PKD1L1: variants seen among roughly 807,000 people sequenced by gnomAD.
The protein encoded by PKD1L1 is polycystin-1-like protein 1.
Under a neutral mutation model 323.4 loss-of-function variants are expected in PKD1L1, and 236 were observed. The ratio of observed to expected loss-of-function variants is 0.73; its 90% confidence interval spans 0.66 to 0.81. The LOEUF (loss-of-function observed/expected upper bound fraction) is 0.81. Ranked by LOEUF, PKD1L1 falls within the 40% of genes least tolerant of loss-of-function variation. The pLI, the probability that PKD1L1 is intolerant of heterozygous loss-of-function variation, is 0.00. For missense variants in PKD1L1, 3,320 were observed against 3,508.0 expected (o/e 0.95, Z 1.35); for synonymous variants, 1,344 against 1,335.0 (o/e 1.01, Z -0.15).
chr7:47,952,230 A>C (rs1788214691), upstream of PKD1L1, among the ~76,000 whole-genome samples: 2 of 152,222 alleles, frequency 1.3e-5, no homozygotes, highest in African/African-American at 4.8e-5. Flanking sequence ...TCTTGGTAGA[A>C]TGTCAAACTT....
chr7:47,844,578 A>G (rs1785626145), intron 33 of PKD1L1, among the ~76,000 whole-genome samples: 1 of 152,236 alleles, frequency 6.6e-6, no homozygotes, highest in African/African-American at 2.4e-5. Context: ...ATTATCTAAA[A>G]TGGGATACTC....
intron 14 of PKD1L1, among the ~76,000 whole-genome samples, chr7:47,894,507 C>T (rs1786894113): frequency 6.6e-6 from 1 of 152,032 alleles, no homozygotes; most frequent in Admixed American, 6.6e-5. Flanking sequence ...ACTTTTAAAC[C>T]CAGGAATAGC....
chr7:47,916,169 G>A (rs1787425391), intron 7 of PKD1L1, among the ~76,000 whole-genome samples: 1 of 152,216 alleles, frequency 6.6e-6, no homozygotes, highest in African/African-American at 2.4e-5. Flanking sequence ...GCCATTTGAA[G>A]GTGATCCAGT....
chr7:47,859,517 C>T (rs1785978911), intron 26 of PKD1L1, among the ~76,000 whole-genome samples: 1 of 151,954 alleles, frequency 6.6e-6, no homozygotes, highest in South Asian at 2.1e-4. Context: ...CTCACTCTGT[C>T]ACCCAGGCTG....
chr7:47,854,191 G>GT (rs1785847490), intron 30 of PKD1L1, among the ~76,000 whole-genome samples: 2 of 152,134 alleles, frequency 1.3e-5, no homozygotes, highest in South Asian at 4.1e-4. Flanking sequence ...CAGCGCCTGT[G>GT]TAAGATACAG....
intron 45 of PKD1L1, among the ~76,000 whole-genome samples, chr7:47,825,014 A>G (rs1785214830): frequency 6.6e-6 from 1 of 152,136 alleles, no homozygotes; most frequent in African/African-American, 2.4e-5. Context: ...GAGACTTCAA[A>G]TTTCCCCCAT....
intron 26 of PKD1L1, among the ~76,000 whole-genome samples, chr7:47,864,713 T>C (rs1339998140): frequency 8.7e-6 from 1 of 114,658 alleles, no homozygotes; most frequent in African/African-American, 3.3e-5. Flanking sequence ...TTCCCTTCCC[T>C]TCCTTTCCTT....
intron 55 of PKD1L1, among the ~76,000 whole-genome samples, chr7:47,793,561 A>C (rs1787004794): frequency 6.6e-6 from 1 of 152,172 alleles, no homozygotes; most frequent in South Asian, 2.1e-4. Context: ...TGGAACTGTA[A>C]GTCCAATTAA....
At chr7:47,954,165 C>T in the PKD1L1 span, among the ~76,000 whole-genome samples, 1 of 152,322 alleles carries the variant, frequency 6.6e-6, no homozygotes, top group South Asian at 2.1e-4. Context: ...GCCAACCAAA[C>T]CTCTATGAGC....
At chr7:47,824,435 G>A (rs984738271) in intron 45 of PKD1L1, among the ~76,000 whole-genome samples, 4 of 152,064 alleles carry the variant, frequency 2.6e-5, no homozygotes, top group Admixed American at 2.0e-4. Flanking sequence ...AATCAACAAT[G>A]AAAATAAAGA....
At chr7:47,776,357 G>A (rs1341764022) in intron 56 of PKD1L1, among the ~76,000 whole-genome samples, 1 of 152,148 alleles carries the variant, frequency 6.6e-6, no homozygotes, top group Non-Finnish European at 1.5e-5. Flanking sequence ...ATGAGATAAA[G>A]ACATTACAAG....
intron 22 of PKD1L1, 40 bp downstream of exon 22, chr7:47,877,449 T>TA: frequency 1.2e-6 from 2 of 1,608,570 alleles, no homozygotes; most frequent in Non-Finnish European, 1.7e-6. Flanking sequence ...GATGCCACTG[T>TA]CGGGGGTCTC....
chr7:47,818,064 C>T, intron 46 of PKD1L1: 1 of 1,367,814 alleles, frequency 7.3e-7, no homozygotes, highest in Non-Finnish European at 9.8e-7. Flanking sequence ...CTGGACTTCT[C>T]TACAAGTTTT....
At chr7:47,950,346 AG>A (rs1402113495), upstream of PKD1L1, among the ~76,000 whole-genome samples, 4 of 152,186 alleles carry the variant, frequency 2.6e-5, no homozygotes, top group African/African-American at 9.7e-5. Flanking sequence ...ATGTTTTTGA[AG>A]CCAGCAGTGC....
chr7:47,905,824 A>G lies in PKD1L1; in HGVS notation c.1522+19T>C, dbSNP rs372616650. The G allele has an allele frequency of 2.5e-6, 4 of 1,610,324 alleles. No homozygotes were observed. In the African/African-American group the frequency reaches 5.4e-5, roughly 22 times the overall value. ...CGAGGGAGGTTTTTGTTAAATCTGG[A>G]ATTAAAACAAAGACATACATTGCAT... On this transcript the variant is annotated intron_variant, in intron 10 of 56. Coordinates refer to ENST00000289672, the MANE Select transcript of PKD1L1 (RefSeq NM_138295.5).
chr7:47,836,114 G>T (rs902453073), intron 37 of PKD1L1, among the ~76,000 whole-genome samples: 1 of 152,180 alleles, frequency 6.6e-6, no homozygotes, highest in East Asian at 1.9e-4. Context: ...CCTGCTACTT[G>T]ATGATATTTC....
At chr7:47,778,279 T>G (rs991386883) in intron 56 of PKD1L1, among the ~76,000 whole-genome samples, 1 of 152,138 alleles carries the variant, frequency 6.6e-6, no homozygotes, top group Non-Finnish European at 1.5e-5. Context: ...CTTCCTCACA[T>G]GTGTGAGAGA....
intron 19 of PKD1L1, among the ~76,000 whole-genome samples, chr7:47,884,023 G>C (rs1047445455): frequency 6.6e-6 from 1 of 152,184 alleles, no homozygotes; most frequent in Admixed American, 6.5e-5. Context: ...GATCCATCTG[G>C]GAACATAGCA....
chr7:47,897,078 C>G (rs80220321), intron 14 of PKD1L1, among the ~76,000 whole-genome samples: 1,787 of 152,312 alleles, frequency 0.012, 20 homozygotes, highest in Admixed American at 0.018. Context: ...GCCTATTTCG[C>G]GATGAGATAA....
Sources: gnomAD v4.1 joint callset for allele counts (sites outside exome capture counted in the v4.1 genomes callset) on GRCh38, gnomAD v4.1.1 for gene constraint, MANE v1.5 for transcripts, NCBI Gene and HGNC (gene_info 2026-07-23, HGNC 2026-07-21) for gene names.